AGO3: variants seen among roughly 807,000 people sequenced by gnomAD.
The protein encoded by AGO3 is argonaute RISC catalytic component 3.
A neutral mutation model predicts 105.5 loss-of-function variants in AGO3; 16 were observed. That is an observed-to-expected ratio of 0.15 (90% CI 0.10 to 0.23). The LOEUF is 0.23. Ranked by LOEUF, AGO3 falls within the 10% of genes least tolerant of loss-of-function variation. The pLI, the probability that AGO3 is intolerant of heterozygous loss-of-function variation, is 1.00. For missense variants in AGO3, 534 were observed against 1,088.0 expected (o/e 0.49, Z 7.16); for synonymous variants, 340 against 367.3 (o/e 0.93, Z 0.85).
At chr1:36,017,611 A>C (rs1382114944) in intron 11 of AGO3, among the ~76,000 whole-genome samples, 3 of 152,104 alleles carry the variant, frequency 2.0e-5, no homozygotes, top group Non-Finnish European at 4.4e-5. Flanking sequence ...CATTAACTCC[A>C]AACCATAGGC....
chr1:35,968,866 A>G (rs999635109), intron 3 of AGO3, among the ~76,000 whole-genome samples: 3 of 151,518 alleles, frequency 2.0e-5, no homozygotes, highest in Non-Finnish European at 4.4e-5. Context: ...AAGAGTTCCA[A>G]ACTCTCACTT....
At chr1:36,015,167 C>T (rs1640839599) in intron 11 of AGO3, among the ~76,000 whole-genome samples, 1 of 152,152 alleles carries the variant, frequency 6.6e-6, no homozygotes, top group Non-Finnish European at 1.5e-5. Context: ...ACCCCCTCTT[C>T]AAGATAGATT....
At chr1:36,003,709 A>AAAAAAATATATATATATATAT in intron 5 of AGO3, among the ~76,000 whole-genome samples, 1 of 99,436 alleles carries the variant, frequency 1.0e-5, no homozygotes, top group South Asian at 3.8e-4. Context: ...AAAAAAAAAA[A>AAAAAAATATATATATATATAT]ATATATATAT....
chr1:35,950,131 G>A (rs1016161789), intron 2 of AGO3, among the ~76,000 whole-genome samples: 3 of 151,996 alleles, frequency 2.0e-5, no homozygotes, highest in African/African-American at 7.2e-5. Context: ...TGAGGCAGGA[G>A]AATTGCTTGA....
chr1:35,931,196 C>T lies in AGO3; in HGVS notation c.-231C>T. 1 of 402,464 alleles carries T rather than the reference C, an allele frequency of 2.5e-6. No individual in the cohort carries two copies. Among genetic ancestry groups the T allele is most frequent in the East Asian group, 3.6e-5 (1 of 28,038 alleles). 24.9% of individuals were successfully genotyped at this position (402,464 alleles called of 1,614,324 possible). A position where few individuals can be genotyped will look rare whatever the true frequency, so the allele number is the denominator to read the frequency against. On this transcript the variant is annotated 5_prime_UTR_variant, in exon 1 of 19. Coordinates refer to ENST00000373191, the MANE Select transcript of AGO3 (RefSeq NM_024852.4). ...ACTTCCGGACGGGACTCCCCTCTGT[C>T]CGCGCCTCACATCTCCCCTTCCTCT... is the stretch of plus-strand genomic sequence containing the variant.
upstream of AGO3, chr1:35,930,828 C>A: frequency 5.4e-6 from 1 of 184,296 alleles, no homozygotes; most frequent in African/African-American, 2.4e-5. Flanking sequence ...AGCCCCGCCG[C>A]CAGCCGCGAC....
chr1:36,018,641 C>T (rs1354119212), intron 11 of AGO3, among the ~76,000 whole-genome samples: 2 of 152,036 alleles, frequency 1.3e-5, no homozygotes, highest in Non-Finnish European at 2.9e-5. Flanking sequence ...CCATGTTGGC[C>T]AGGATGGTCT....
intron 5 of AGO3, among the ~76,000 whole-genome samples, chr1:35,998,995 C>T (rs981114923): frequency 6.6e-6 from 1 of 152,106 alleles, no homozygotes; most frequent in African/African-American, 2.4e-5. Flanking sequence ...TGTCTAGCCC[C>T]ACAGTCTCTT....
rs944604675 is a variant in AGO3 at position 36,064,422 on chromosome 1, T to C, written c.*8677T>C. On this transcript the variant is annotated 3_prime_UTR_variant, in exon 19 of 19. Transcript: ENST00000373191. ...AATAAATAAAAGTACATGAAAAAAG[T>C]ATATTCCCTTAAGCAGGTAAAATAC... is the stretch of plus-strand genomic sequence containing the variant. 2.0e-5 allele frequency: 3 copies of C among 152,190 alleles called. No homozygotes were observed. The highest frequency in any genetic ancestry group is 7.2e-5 in the African/African-American group (3 of 41,450). 9.4% of individuals were successfully genotyped at this position (152,190 alleles called of 1,614,324 possible).
At chr1:36,005,453 A>G (rs1386322960) in intron 6 of AGO3, among the ~76,000 whole-genome samples, 3 of 152,224 alleles carry the variant, frequency 2.0e-5, no homozygotes, top group Non-Finnish European at 4.4e-5. Context: ...ATAAGCATCC[A>G]TTTATCTCAA....
At chr1:35,935,724 A>T (rs1646135393) in intron 1 of AGO3, among the ~76,000 whole-genome samples, 1 of 152,234 alleles carries the variant, frequency 6.6e-6, no homozygotes, top group Non-Finnish European at 1.5e-5. Context: ...ATTCTAGTTG[A>T]ATACCATTTT....
rs114127402 is a variant in AGO3, at chr1:36,027,795, G to T, written c.1591+497G>T. The stretch of plus-strand genomic sequence containing the variant: ...GTCCGTCTCAAAAAAAAAAAAAAAG[G>T]GTTTCAGTAGTGAAAAGAGGCATTA... On this transcript the variant is annotated intron_variant, in intron 12 of 18. Transcript: ENST00000373191. The surrounding 1 kb of genome is among the most constrained non-coding windows in gnomAD (Gnocchi z 4.0). Among the ~76,000 whole-genome samples, 9 of 151,672 alleles carry T rather than the reference G, an allele frequency of 5.9e-5. No homozygotes were observed. Among genetic ancestry groups the T allele is most frequent in the Non-Finnish European group, 1.0e-4 (7 of 67,934 alleles).
intron 11 of AGO3, among the ~76,000 whole-genome samples, chr1:36,014,761 A>ACT (rs1435553890): frequency 7.4e-6 from 1 of 135,378 alleles, no homozygotes; most frequent in Non-Finnish European, 1.5e-5. Context: ...ACAGAGTGAG[A>ACT]CTCTGTCTCC....
At chr1:36,019,803 C>G (rs1375322672) in intron 11 of AGO3, among the ~76,000 whole-genome samples, 1 of 151,518 alleles carries the variant, frequency 6.6e-6, no homozygotes. Context: ...TAGTCTCACT[C>G]TGTCACCCAG....
intron 5 of AGO3, among the ~76,000 whole-genome samples, chr1:35,999,604 C>T (rs1639992667): frequency 6.6e-6 from 1 of 152,104 alleles, no homozygotes; most frequent in African/African-American, 2.4e-5. Flanking sequence ...GATTTCATCT[C>T]AAATGCCTTA....
intron 3 of AGO3, among the ~76,000 whole-genome samples, chr1:35,967,997 A>G (rs1033184020): frequency 1.2e-4 from 18 of 152,160 alleles, no homozygotes; most frequent in African/African-American, 3.6e-4. Context: ...ATTATTTTGT[A>G]GAATGTCCTT....
intron 5 of AGO3, among the ~76,000 whole-genome samples, chr1:35,992,913 T>A (rs1419896171): frequency 6.6e-6 from 1 of 152,170 alleles, no homozygotes; most frequent in African/African-American, 2.4e-5. Flanking sequence ...CTCACTTAAT[T>A]GGTAACAACT....
intron 4 of AGO3, among the ~76,000 whole-genome samples, chr1:35,972,965 C>T (rs954402501): frequency 6.7e-6 from 1 of 148,510 alleles, no homozygotes; most frequent in African/African-American, 2.5e-5. Flanking sequence ...CCAAAGTGCT[C>T]GGATTACAGG....
chr1:35,980,543 A>G (rs1454929165), intron 5 of AGO3, among the ~76,000 whole-genome samples: 1 of 152,198 alleles, frequency 6.6e-6, no homozygotes, highest in Admixed American at 6.5e-5. Flanking sequence ...TTGTTTCTTC[A>G]AGAAATGCTC....
Sources: gnomAD v4.1 joint callset for allele counts (sites outside exome capture counted in the v4.1 genomes callset) on GRCh38, gnomAD v4.1.1 for gene constraint, Gnocchi (gnomAD v3.1) non-coding constraint, MANE v1.5 for transcripts, NCBI Gene and HGNC (gene_info 2026-07-23, HGNC 2026-07-21) for gene names.